MARCHF1: variants seen among roughly 807,000 people sequenced by gnomAD.
The protein encoded by MARCHF1 is E3 ubiquitin-protein ligase MARCHF1.
MARCHF1 carries 40 observed loss-of-function variants against 54.2 expected under a neutral mutation model. That is an observed-to-expected ratio of 0.74 (90% CI 0.57 to 0.96). The LOEUF is 0.96. MARCHF1 is among the 40% of genes least tolerant of loss of function. MARCHF1 has a pLI of 0.00. For synonymous variants in MARCHF1, 236 were observed against 236.3 expected (o/e 1.00, Z 0.01); for missense variants, 586 against 656.5 (o/e 0.89, Z 1.17).
intron 1 of MARCHF1, among the ~76,000 whole-genome samples, chr4:164,306,774 G>C (rs906478162): frequency 1.3e-5 from 2 of 152,052 alleles, no homozygotes; most frequent in African/African-American, 4.8e-5. Context: ...ATCTGGAAAA[G>C]AGAGCCCATA....
At chr4:164,142,222 C>G (rs1472725925) in intron 1 of MARCHF1, among the ~76,000 whole-genome samples, 6 of 152,200 alleles carry the variant, frequency 3.9e-5, no homozygotes, top group Non-Finnish European at 7.3e-5. Flanking sequence ...GATCAAACTG[C>G]AAGGCCGCAG....
At chr4:163,779,696 T>C (rs922471665) in intron 4 of MARCHF1, among the ~76,000 whole-genome samples, 1 of 152,152 alleles carries the variant, frequency 6.6e-6, no homozygotes, top group Non-Finnish European at 1.5e-5. Context: ...ACTGAAGTTA[T>C]TATGAAACAG....
At chr4:164,313,615 C>T (rs942503928) in intron 1 of MARCHF1, among the ~76,000 whole-genome samples, 22 of 152,246 alleles carry the variant, frequency 1.4e-4, no homozygotes, top group Middle Eastern at 3.4e-3. Flanking sequence ...CTTCTTTCTT[C>T]CTCCCTAAAT....
At chr4:164,014,018 C>G (rs1753483038) in intron 2 of MARCHF1, among the ~76,000 whole-genome samples, 1 of 151,894 alleles carries the variant, frequency 6.6e-6, no homozygotes, top group Non-Finnish European at 1.5e-5. Context: ...GAAACCCCAT[C>G]TCTACTAAAA....
At chr4:163,535,012 AAATAT>A (rs1738481004) in intron 9 of MARCHF1, among the ~76,000 whole-genome samples, 1 of 152,078 alleles carries the variant, frequency 6.6e-6, no homozygotes, top group African/African-American at 2.4e-5. Context: ...ACTTATAGAC[AAATAT>A]AATACTTTAA....
At chr4:164,048,912 A>G (rs1754296690) in intron 2 of MARCHF1, among the ~76,000 whole-genome samples, 3 of 152,168 alleles carry the variant, frequency 2.0e-5, no homozygotes, top group Admixed American at 2.0e-4. Context: ...AGCACCAAAA[A>G]TCAGTTTTAT....
In MARCHF1 at chr4:163,831,174, CT is replaced by C. The variant is rs202007376; in HGVS notation, c.111+22846del. On this transcript the variant is annotated intron_variant, in intron 4 of 9. Coordinates refer to ENST00000514618, the MANE Select transcript of MARCHF1 (RefSeq NM_001394959.1). ...TAGTTTCTGTTTTCTGCACTGAACC[CT>C]TAGTGACAAAGGGAGTGGGGGCTAG... is the stretch of plus-strand genomic sequence containing the variant. Among the ~76,000 whole-genome samples, 307 of 152,180 alleles carry C rather than the reference CT, an allele frequency of 2.0e-3. 13 individuals are homozygous for C. The East Asian group carries it at 0.056, about 28-fold the overall frequency.
chr4:164,193,473 A>G (rs1731176511), intron 1 of MARCHF1, among the ~76,000 whole-genome samples: 1 of 151,998 alleles, frequency 6.6e-6, no homozygotes, highest in Non-Finnish European at 1.5e-5. Flanking sequence ...GGTTTTGTCT[A>G]TTGGCTTCAT....
At chr4:163,814,937 G>A (rs1042292095) in intron 4 of MARCHF1, among the ~76,000 whole-genome samples, 8 of 152,042 alleles carry the variant, frequency 5.3e-5, no homozygotes, top group Admixed American at 2.6e-4. Context: ...AATAAATACA[G>A]TTAACGTGTA....
intron 3 of MARCHF1, among the ~76,000 whole-genome samples, chr4:163,912,323 G>GAGCT (rs1181442657): frequency 2.0e-5 from 3 of 152,088 alleles, no homozygotes; most frequent in African/African-American, 7.2e-5. Context: ...GGCAGACAAG[G>GAGCT]AGCTGCCTTT....
intron 1 of MARCHF1, among the ~76,000 whole-genome samples, chr4:164,333,256 A>G (rs147704080): frequency 1.2e-4 from 19 of 152,250 alleles, no homozygotes; most frequent in African/African-American, 4.3e-4. Flanking sequence ...ATATGTATAT[A>G]TTTTCCTTAT....
At chr4:163,578,496 G>A (rs1458224369) in intron 8 of MARCHF1, among the ~76,000 whole-genome samples, 1 of 152,012 alleles carries the variant, frequency 6.6e-6, no homozygotes, top group Non-Finnish European at 1.5e-5. Context: ...ATCAAATCCT[G>A]CTCCGTATTC....
intron 4 of MARCHF1, among the ~76,000 whole-genome samples, chr4:163,832,225 A>C (rs1749045422): frequency 6.6e-6 from 1 of 152,200 alleles, no homozygotes; most frequent in Non-Finnish European, 1.5e-5. Flanking sequence ...CTCTATGGAG[A>C]TATAGAATAC....
At chr4:164,255,024 C>T (rs561461015) in intron 1 of MARCHF1, among the ~76,000 whole-genome samples, 7 of 152,248 alleles carry the variant, frequency 4.6e-5, no homozygotes, top group South Asian at 2.1e-4. Context: ...GGATTACAGG[C>T]GTGAGCCCCC....
chr4:164,018,781 A>G (rs1298319716), intron 2 of MARCHF1, among the ~76,000 whole-genome samples: 1 of 152,206 alleles, frequency 6.6e-6, no homozygotes, highest in Non-Finnish European at 1.5e-5. Context: ...TAATAATGCA[A>G]TGGACTCATC....
chr4:164,078,005 A>G (rs182696345), intron 2 of MARCHF1, among the ~76,000 whole-genome samples: 40 of 152,330 alleles, frequency 2.6e-4, no homozygotes, highest in Admixed American at 1.0e-3. Flanking sequence ...CAGAAATACC[A>G]TTTGATCCAG....
chr4:163,968,906 G>A (rs1281200608), intron 3 of MARCHF1, among the ~76,000 whole-genome samples: 2 of 152,200 alleles, frequency 1.3e-5, no homozygotes, highest in East Asian at 3.9e-4. Context: ...TAATTAGGAG[G>A]GCTAAGCTTA....
intron 1 of MARCHF1, among the ~76,000 whole-genome samples, chr4:164,235,200 G>A (rs1413774401): frequency 2.0e-5 from 3 of 152,038 alleles, no homozygotes; most frequent in Non-Finnish European, 4.4e-5. Context: ...CTTAGTTTCT[G>A]TAGTTACACA....
chr4:164,052,524 C>G, intron 2 of MARCHF1, among the ~76,000 whole-genome samples: 1 of 150,912 alleles, frequency 6.6e-6, no homozygotes, highest in East Asian at 1.9e-4. Context: ...AGAGTGACTT[C>G]GTCTCAAAAA....
Sources: gnomAD v4.1 joint callset for allele counts (sites outside exome capture counted in the v4.1 genomes callset) on GRCh38, gnomAD v4.1.1 for gene constraint, MANE v1.5 for transcripts, NCBI Gene and HGNC (gene_info 2026-07-23, HGNC 2026-07-21) for gene names.